The following RBM34 variants were observed in gnomAD, a reference collection of about 807,000 sequenced individuals.
RBM34 encodes the protein RNA-binding protein 34.
In RBM34, 39 loss-of-function variants were observed where a neutral mutation model predicts 44.6. The ratio of observed to expected loss-of-function variants is 0.87; its 90% CI spans 0.68 to 1.14. The LOEUF is 1.14. Among genes scored for constraint, RBM34 ranks in the 50% most tolerant of loss-of-function variants. RBM34 has a pLI of 0.00. For synonymous variants in RBM34, 194 were observed against 184.0 expected (o/e 1.05, Z -0.44); for missense variants, 572 against 517.9 (o/e 1.10, Z -1.01).
intron 6 of RBM34, among the ~76,000 whole-genome samples, chr1:235,144,406 A>C (rs112790001): frequency 3.3e-5 from 5 of 151,528 alleles, no homozygotes; most frequent in African/African-American, 1.2e-4. Flanking sequence ...TATCTGGACT[A>C]TGGCAGTGGT....
chr1:235,132,041 T>C (rs768005697), intron 10 of RBM34, 44 bp from the exon 11 acceptor site: 32 of 1,497,716 alleles, frequency 2.1e-5, no homozygotes, highest in Non-Finnish European at 2.9e-5. Flanking sequence ...CAGAAACCCA[T>C]CTGCAAAGAA....
At position 235,148,342 on chromosome 1, in the gene RBM34, C is replaced by T. The variant is rs959110685; in HGVS notation, c.701+62G>A. ...CTATGCAATTGTTAAGAAATGGTCT[C>T]ACTTTTTAGCCAAAAAGGAAGAAAG... On this transcript the variant is annotated intron_variant, in intron 6 of 10. Coordinates refer to ENST00000408888, the MANE Select transcript of RBM34 (RefSeq NM_015014.4). 11 of 1,294,502 alleles carry T rather than the reference C, an allele frequency of 8.5e-6. No homozygotes were observed. In the African/African-American group the frequency reaches 1.2e-4, roughly 14 times the overall value. The allele number at this position is 1,294,502 out of a possible 1,614,324, so 80.2% of individuals were successfully genotyped here.
At chr1:235,151,173 T>G (rs758794847) in intron 5 of RBM34, among the ~76,000 whole-genome samples, 2 of 152,128 alleles carry the variant, frequency 1.3e-5, no homozygotes, top group Non-Finnish European at 2.9e-5. Flanking sequence ...GAAATCACAG[T>G]TGAAAAACGG....
At position 235,131,668 on chromosome 1, in the gene RBM34, T is replaced by C; in HGVS notation, c.*45A>G. ...ATGCTATCAGCAGATAATAGCACTT[T>C]TATTAGCAGTACTCAGCAGGAAAAG... is the stretch of plus-strand genomic sequence containing the variant. On this transcript the variant is annotated 3_prime_UTR_variant, in exon 11 of 11. Coordinates refer to ENST00000408888, the MANE Select transcript of RBM34 (RefSeq NM_015014.4). The C allele has an allele frequency of 6.5e-7, 1 of 1,541,288 alleles. No individual in the cohort carries two copies.
At chr1:235,138,604 C>T (rs768829040) in intron 6 of RBM34, among the ~76,000 whole-genome samples, 17 of 152,180 alleles carry the variant, frequency 1.1e-4, no homozygotes, top group Admixed American at 2.0e-4. Context: ...AACAGCTCAA[C>T]GTGCCTTGTA....
intron 10 of RBM34, among the ~76,000 whole-genome samples, chr1:235,133,524 G>A (rs1328620463): frequency 1.3e-5 from 2 of 152,064 alleles, no homozygotes; most frequent in Non-Finnish European, 2.9e-5. Flanking sequence ...ACAGAGACAA[G>A]TTCAACTATA....
chr1:235,134,199 T>C (rs1207034824), intron 10 of RBM34, among the ~76,000 whole-genome samples: 5 of 152,154 alleles, frequency 3.3e-5, no homozygotes, highest in Non-Finnish European at 7.3e-5. Context: ...ATTTTTGTAT[T>C]TTTTTGTAGA....
intron 3 of RBM34, chr1:235,156,483 C>G (rs1662449989): frequency 3.0e-6 from 1 of 329,098 alleles, no homozygotes; most frequent in Admixed American, 4.9e-5. Flanking sequence ...CCCTGAGAGT[C>G]TAAAAAGGTT....
At chr1:235,132,895 C>T (rs145890378) in intron 10 of RBM34, among the ~76,000 whole-genome samples, 1 of 152,232 alleles carries the variant, frequency 6.6e-6, no homozygotes, top group African/African-American at 2.4e-5. Context: ...AACTACAATA[C>T]AGTAACAATG....
chr1:235,134,802 TGG>T (rs1310806268), intron 10 of RBM34, among the ~76,000 whole-genome samples: 2 of 150,656 alleles, frequency 1.3e-5, no homozygotes, highest in African/African-American at 2.4e-5. Flanking sequence ...TGGAGTGCAA[TGG>T]AGCAATCTCG....
In RBM34 at chr1:235,135,721, G is replaced by T. The variant is rs752873927; in HGVS notation, c.939C>A (p.Ile313=). ...TGTCTCTCACAATCCTCACGGCCAT[G>T]ATACTTCCACAGTCCAGAAAGTGCT... is the stretch of plus-strand genomic sequence containing the variant. The part of the protein sequence containing the change: ...IEKHFLDCGS[I]MAVRIVRDKM... The change falls in exon 10 of 11, where the codon ATC becomes ATA. Residue 313 remains isoleucine, a synonymous_variant. Transcript: ENST00000408888. The T allele has an allele frequency of 6.2e-7, 1 of 1,614,152 alleles. No homozygotes were observed. Among genetic ancestry groups the T allele is most frequent in the Non-Finnish European group, 8.5e-7 (1 of 1,180,042 alleles).
intron 3 of RBM34, chr1:235,160,102 A>C (rs1662632880): frequency 9.6e-6 from 3 of 312,980 alleles, no homozygotes; most frequent in African/African-American, 6.5e-5. Flanking sequence ...AAAAATACAA[A>C]AATTAGCTGG....
At chr1:235,159,406 T>G (rs1210508982) in intron 3 of RBM34, among the ~76,000 whole-genome samples, 1 of 151,420 alleles carries the variant, frequency 6.6e-6, no homozygotes, top group Non-Finnish European at 1.5e-5. Context: ...AAAAATCAGC[T>G]GGGTGTGATG....
At chr1:235,136,116 G>C in intron 8 of RBM34, 43 bp from the exon 9 acceptor site, 1 of 1,520,328 alleles carries the variant, frequency 6.6e-7, no homozygotes, top group Non-Finnish European at 9.0e-7. Context: ...CACTAGACCA[G>C]AAAATGGAAG....
intron 5 of RBM34, 168 bp downstream of exon 5, chr1:235,152,538 C>T (rs1412334719): frequency 3.7e-6 from 5 of 1,356,140 alleles, no homozygotes; most frequent in Non-Finnish European, 4.8e-6. Flanking sequence ...TTAAAAAGTT[C>T]AAGAGTCAGC....
Position 235,131,607 on chromosome 1 carries a change from A to G in RBM34, c.*106T>C. The G allele has an allele frequency of 8.0e-7, 1 of 1,247,344 alleles. No individual in the cohort carries two copies. The highest frequency in any genetic ancestry group is 2.4e-5 in the Admixed American group (1 of 41,588). The allele number at this position is 1,247,344 out of a possible 1,614,324, so 77.3% of individuals were successfully genotyped here. ...TCCACATTTCACATACACCATCCATAAAGAAGTATAAAACTCAACACATGA... is the reference window on the plus strand; with the variant it reads ...TCCACATTTCACATACACCATCCATGAAGAAGTATAAAACTCAACACATGA... On this transcript the variant is annotated 3_prime_UTR_variant, in exon 11 of 11. Transcript: ENST00000408888.
rs557237331 is a variant in RBM34, at chr1:235,157,883, G to A, written c.365+2628C>T. Among the ~76,000 whole-genome samples the A allele has an allele frequency of 2.2e-4, 33 of 152,316 alleles. No individual in the cohort carries two copies. In the South Asian group the frequency reaches 5.6e-3, roughly 26 times the overall value. On this transcript the variant is annotated intron_variant, in intron 3 of 10. Transcript: ENST00000408888. ...CAGTGGGCACTGCTTCAGTGGCACA[G>A]TCAGGACGGAGAATAAAACCCACCA...
At chr1:235,135,204 C>G (rs1661369560) in intron 10 of RBM34, among the ~76,000 whole-genome samples, 1 of 141,350 alleles carries the variant, frequency 7.1e-6, no homozygotes. Flanking sequence ...GCCACCACAT[C>G]TGGCTAATTT....
At chr1:235,137,757 G>T (rs1661486188) in intron 8 of RBM34, 120 bp downstream of exon 8, 2 of 712,870 alleles carry the variant, frequency 2.8e-6, no homozygotes, top group Non-Finnish European at 4.6e-6. Context: ...GAGGACATAG[G>T]CTGTTTCCTT....
Sources: gnomAD v4.1 joint callset for allele counts (sites outside exome capture counted in the v4.1 genomes callset) on GRCh38, gnomAD v4.1.1 for gene constraint, MANE v1.5 for transcripts, NCBI Gene and HGNC (gene_info 2026-07-23, HGNC 2026-07-21) for gene names.